The following PPP4R3A variants were observed in gnomAD, a reference collection of about 807,000 sequenced individuals.
PPP4R3A encodes the protein protein phosphatase 4 regulatory subunit 3A, also known as serine/threonine-protein phosphatase 4 regulatory subunit 3A.
In PPP4R3A, 15 loss-of-function variants were observed where a neutral mutation model predicts 91.7. The observed-to-expected ratio is 0.16, with a 90% CI of 0.11 to 0.25. The LOEUF (loss-of-function observed/expected upper bound fraction) is 0.25, where lower values mean the gene tolerates loss of function less well. PPP4R3A is among the 10% of genes least tolerant of loss of function. The probability of loss-of-function intolerance (pLI) is 1.00; values close to 1 mark genes in which losing one functional copy is unlikely to be tolerated. For missense variants in PPP4R3A, 623 were observed against 998.4 expected (o/e 0.62, Z 5.07); for synonymous variants, 377 against 348.7 (o/e 1.08, Z -0.91).
intron 4 of PPP4R3A, among the ~76,000 whole-genome samples, chr14:91,480,241 C>T (rs1446077956): frequency 6.6e-6 from 1 of 152,188 alleles, no homozygotes; most frequent in Non-Finnish European, 1.5e-5. Context: ...ACTTTCTTTA[C>T]ATGCCTGACC....
At chr14:91,462,443 GTAATA>G (rs1888217453) in intron 12 of PPP4R3A, among the ~76,000 whole-genome samples, 1 of 150,804 alleles carries the variant, frequency 6.6e-6, no homozygotes, top group South Asian at 2.1e-4. Flanking sequence ...TTCAAAGCAA[GTAATA>G]TAATCCTCTG....
At chr14:91,486,878 T>C (rs924122922) in intron 2 of PPP4R3A, among the ~76,000 whole-genome samples, 3 of 127,626 alleles carry the variant, frequency 2.4e-5, no homozygotes, top group South Asian at 4.8e-4. Flanking sequence ...CACTCCAGCC[T>C]GGGCAACAGG....
intron 2 of PPP4R3A, among the ~76,000 whole-genome samples, chr14:91,489,372 A>G (rs1469547922): frequency 6.6e-6 from 1 of 152,212 alleles, no homozygotes; most frequent in African/African-American, 2.4e-5. Flanking sequence ...CCAATAACAC[A>G]TTCTGCTATA....
intron 14 of PPP4R3A, among the ~76,000 whole-genome samples, chr14:91,460,669 C>T (rs902265989): frequency 6.2e-4 from 73 of 117,444 alleles, no homozygotes; most frequent in Admixed American, 5.2e-3. Context: ...GATGGAGTCT[C>T]GCTGTTGCAG....
intron 2 of PPP4R3A, 64 bp downstream of exon 2, chr14:91,490,683 A>ATT: frequency 7.7e-7 from 1 of 1,305,006 alleles, no homozygotes; most frequent in South Asian, 1.3e-5. Flanking sequence ...AAGCAATCAG[A>ATT]TAATAAACTT....
chr14:91,466,074 A>T (rs1888457277), intron 10 of PPP4R3A, among the ~76,000 whole-genome samples: 1 of 152,146 alleles, frequency 6.6e-6, no homozygotes, highest in African/African-American at 2.4e-5. Flanking sequence ...ATAATTAATT[A>T]GGCTTTAACT....
Position 91,482,224 on chromosome 14 carries a change from T to C in PPP4R3A, c.298-31A>G, listed in dbSNP as rs368890574. The C allele has an allele frequency of 2.6e-6, 4 of 1,555,472 alleles. No individual in the cohort carries two copies. The South Asian group carries it at 3.7e-5, about 14-fold the overall frequency. ...AAAAAAAATTTAATTGCTGACAAAA[T>C]AGATAACAGGTGACCAGCAAACCTA... On this transcript the variant is annotated intron_variant, in intron 3 of 14. Transcript: ENST00000554943.
intron 1 of PPP4R3A, among the ~76,000 whole-genome samples, chr14:91,499,138 G>T (rs1890779755): frequency 6.6e-6 from 1 of 151,718 alleles, no homozygotes; most frequent in African/African-American, 2.4e-5. Context: ...GGTGGTACAG[G>T]CCCATAGTTC....
At position 91,492,085 on chromosome 14, in the gene PPP4R3A, TC is replaced by T. The variant is rs1214163236; in HGVS notation, c.143-1284del. 3.3e-5 allele frequency among the ~76,000 whole-genome samples: 5 copies of T among 152,242 alleles called. No individual in the cohort carries two copies. The East Asian group carries it at 9.6e-4, about 29-fold the overall frequency. Reference sequence around the variant, plus strand: ...AGTAAGGACTGGGTAACAATAGAAATCTACTAATTTATGGACAGCAGAAGGT... The same window carrying T: ...AGTAAGGACTGGGTAACAATAGAAATTACTAATTTATGGACAGCAGAAGGT... On this transcript the variant is annotated intron_variant, in intron 1 of 14. Coordinates refer to ENST00000554943, the MANE Select transcript of PPP4R3A (RefSeq NM_001366432.2).
In PPP4R3A at chr14:91,509,473, TGCGAGG is replaced by T. The variant is rs1468218890; in HGVS notation, c.142+27_142+32del. 3 of 1,559,550 alleles carry T rather than the reference TGCGAGG, an allele frequency of 1.9e-6. No individual in the cohort carries two copies. The East Asian group carries it at 7.1e-5, about 37-fold the overall frequency. ...GGAGGCGGCCCAGGGCCGTGGGGGC[TGCGAGG>T]GTCCCGCCGCGCGGGGCTTCACTTA... On this transcript the variant is annotated intron_variant, in intron 1 of 14. Coordinates refer to ENST00000554943, the MANE Select transcript of PPP4R3A (RefSeq NM_001366432.2).
intron 1 of PPP4R3A, among the ~76,000 whole-genome samples, chr14:91,496,275 T>G (rs1890566116): frequency 6.6e-6 from 1 of 152,222 alleles, no homozygotes; most frequent in South Asian, 2.1e-4. Flanking sequence ...TTATGATTTG[T>G]GTACCTTTTT....
Position 91,509,511 on chromosome 14 carries a change from C to T in PPP4R3A, c.137G>A (p.Ser46Asn), listed in dbSNP as rs1434262934. The T allele has an allele frequency of 1.3e-6, 2 of 1,591,236 alleles. No homozygotes were observed. Among genetic ancestry groups the T allele is most frequent in the Non-Finnish European group, 1.7e-6 (2 of 1,174,472 alleles). The change falls in exon 1 of 15, where the codon AGC becomes AAC. Residue 46 changes from serine to asparagine, a missense_variant. Transcript: ENST00000554943. ...CCGCGCGGGGCTTCACTTACCGTCGCTCTCAGCCCTGACAAGCAGGGACAT... is the reference window on the plus strand; with the variant it reads ...CCGCGCGGGGCTTCACTTACCGTCGTTCTCAGCCCTGACAAGCAGGGACAT... ...KGMSLLVRAESDGSLLLESKI... is the reference protein window; with the variant it reads ...KGMSLLVRAENDGSLLLESKI...
chr14:91,460,430 C>T (rs117638844), intron 14 of PPP4R3A, among the ~76,000 whole-genome samples: 4,633 of 150,930 alleles, frequency 0.031, 100 homozygotes, highest in Non-Finnish European at 0.05. Flanking sequence ...CTCCAGCTCA[C>T]GCCAGAAAAA....
chr14:91,481,236 G>A (rs1595067013), intron 4 of PPP4R3A, among the ~76,000 whole-genome samples: 2 of 152,146 alleles, frequency 1.3e-5, no homozygotes, highest in Non-Finnish European at 2.9e-5. Flanking sequence ...GGAGGCTGCA[G>A]TGGGAGGATT....
At chr14:91,491,866 A>AT (rs1375660648) in intron 1 of PPP4R3A, among the ~76,000 whole-genome samples, 1 of 151,954 alleles carries the variant, frequency 6.6e-6, no homozygotes, top group Non-Finnish European at 1.5e-5. Context: ...GCCAGCTACC[A>AT]TGCTTGGTTA....
chr14:91,488,369 C>T (rs1236193482), intron 2 of PPP4R3A, among the ~76,000 whole-genome samples: 2 of 152,248 alleles, frequency 1.3e-5, no homozygotes, highest in African/African-American at 4.8e-5. Context: ...ATTACTAAGT[C>T]TATAATTTTT....
chr14:91,473,046 G>A lies in PPP4R3A; in HGVS notation c.1488C>T (p.Asp496=). Residue 496 remains aspartate (D), a synonymous_variant, in exon 9 of 15, where the codon GAC becomes GAT. Transcript: ENST00000554943. Reference sequence around the variant, plus strand: ...GAATTATCTTACCTTTACTAGGTTTGTCTTCTGTTGTATTTGCTAGTAAAG... The same window carrying A: ...GAATTATCTTACCTTTACTAGGTTTATCTTCTGTTGTATTTGCTAGTAAAG... ...TAPLLANTTE[D]KPSKDDFQTA... 6.2e-7 allele frequency: 1 copy of A among 1,613,756 alleles called. No individual in the cohort carries two copies. Among genetic ancestry groups the A allele is most frequent in the Non-Finnish European group, 8.5e-7 (1 of 1,179,824 alleles).
Position 91,461,552 on chromosome 14 carries a change from C to T in PPP4R3A, c.2220G>A (p.Gln740=). 4 of 1,614,068 alleles carry T rather than the reference C, an allele frequency of 2.5e-6. No individual in the cohort carries two copies. The highest frequency in any genetic ancestry group is 3.4e-6 in the Non-Finnish European group (4 of 1,179,956). Residue 740 remains glutamine, a synonymous_variant, in exon 14 of 15, where the codon CAG becomes CAA. Transcript: ENST00000554943. Reference sequence around the variant, plus strand: ...ACAGGGAAAGCTTGAAACTTGGGCTCTGCCGTCCAGAAAGGTTTGTTTTCA... The same window carrying T: ...ACAGGGAAAGCTTGAAACTTGGGCTTTGCCGTCCAGAAAGGTTTGTTTTCA... The part of the protein sequence containing the change: ...VLLKTNLSGR[Q]SPSFKLSLSS...
At chr14:91,486,222 G>A (rs1335738490) in intron 2 of PPP4R3A, among the ~76,000 whole-genome samples, 3 of 150,704 alleles carry the variant, frequency 2.0e-5, no homozygotes, top group African/African-American at 7.3e-5. Context: ...TGTAGTACGT[G>A]AGCATTTACC....
Sources: gnomAD v4.1 joint callset for allele counts (sites outside exome capture counted in the v4.1 genomes callset) on GRCh38, gnomAD v4.1.1 for gene constraint, MANE v1.5 for transcripts, NCBI Gene and HGNC (gene_info 2026-07-23, HGNC 2026-07-21) for gene names.